Variants in KIAA1671 observed in about 807,000 individuals in gnomAD.
The protein encoded by KIAA1671 is uncharacterized protein KIAA1671.
In KIAA1671, 52 loss-of-function variants were observed where a neutral mutation model predicts 131.2. The observed-to-expected ratio is 0.40, with a 90% CI of 0.32 to 0.50. The LOEUF is 0.50. Among genes scored for constraint, KIAA1671 ranks in the 20% least tolerant of loss-of-function variants. The probability of loss-of-function intolerance (pLI) is 0.73; values close to 1 mark genes in which losing one functional copy is unlikely to be tolerated. For missense variants in KIAA1671, 2,360 were observed against 2,364.2 expected (o/e 1.00, Z 0.04); for synonymous variants, 1,003 against 961.6 (o/e 1.04, Z -0.80).
chr22:25,048,178 A>G (rs796542709), intron 5 of KIAA1671, among the ~76,000 whole-genome samples: 22 of 152,346 alleles, frequency 1.4e-4, no homozygotes, highest in African/African-American at 5.1e-4. Context: ...ATCAAGACGC[A>G]TGTTTTGAGC....
intron 1 of KIAA1671, among the ~76,000 whole-genome samples, chr22:24,990,562 C>T (rs909025470): frequency 7.2e-5 from 11 of 152,248 alleles, no homozygotes; most frequent in African/African-American, 2.4e-4. Flanking sequence ...CCAGCAGCAG[C>T]CCTGGGTGGT....
chr22:25,016,307 C>T (rs1190609045), intron 1 of KIAA1671, among the ~76,000 whole-genome samples: 1 of 152,008 alleles, frequency 6.6e-6, no homozygotes, highest in Non-Finnish European at 1.5e-5. Flanking sequence ...GCGTGAGCCA[C>T]CGTGCCCAGC....
intron 6 of KIAA1671, among the ~76,000 whole-genome samples, chr22:25,080,565 T>G (rs1358899824): frequency 2.0e-5 from 3 of 152,186 alleles, no homozygotes; most frequent in African/African-American, 7.2e-5. Context: ...TTTATTTTTT[T>G]AGAGACAGGG....
intron 1 of KIAA1671, among the ~76,000 whole-genome samples, chr22:24,966,461 G>A (rs1922312214): frequency 6.6e-6 from 1 of 152,214 alleles, no homozygotes; most frequent in African/African-American, 2.4e-5. Context: ...GGCAGGGCTG[G>A]GGAGTGGCTT....
At chr22:25,171,955 T>C (rs763041629) in intron 7 of KIAA1671, among the ~76,000 whole-genome samples, 3 of 152,096 alleles carry the variant, frequency 2.0e-5, no homozygotes, top group Non-Finnish European at 4.4e-5. Flanking sequence ...ACCACAGTGA[T>C]AAAAATGATA....
chr22:24,968,494 C>G (rs1331768255), intron 1 of KIAA1671, among the ~76,000 whole-genome samples: 3 of 152,186 alleles, frequency 2.0e-5, no homozygotes, highest in African/African-American at 7.2e-5. Flanking sequence ...TTCTCCCCAG[C>G]CATGGGAATG....
intron 6 of KIAA1671, among the ~76,000 whole-genome samples, chr22:25,087,151 A>AC (rs1193601489): frequency 7.2e-5 from 6 of 82,980 alleles, no homozygotes; most frequent in Admixed American, 5.8e-4. Context: ...TGCCCCTCCC[A>AC]CCCCCCACCC....
chr22:25,149,592 C>A (rs1932969241), intron 6 of KIAA1671, among the ~76,000 whole-genome samples: 1 of 152,018 alleles, frequency 6.6e-6, no homozygotes, highest in African/African-American at 2.4e-5. Flanking sequence ...AAGATTGGAC[C>A]CTGGAAGACC....
intron 6 of KIAA1671, among the ~76,000 whole-genome samples, chr22:25,163,343 T>C (rs1404907203): frequency 2.1e-5 from 3 of 142,398 alleles, no homozygotes. Flanking sequence ...TTTTTTTTTT[T>C]TTTTTTTTTT....
At chr22:25,090,953 G>T (rs555937754) in intron 6 of KIAA1671, among the ~76,000 whole-genome samples, 8 of 152,294 alleles carry the variant, frequency 5.3e-5, no homozygotes, top group Non-Finnish European at 1.2e-4. Context: ...ATCTGTCTTG[G>T]TTCACTGCTG....
chr22:25,179,355 G>A, intron 9 of KIAA1671: 8 of 1,598,384 alleles, frequency 5.0e-6, no homozygotes, highest in Non-Finnish European at 6.8e-6. Context: ...GCGCACCTCG[G>A]CCGCGTGCAG....
At chr22:24,967,794 C>T (rs537941886) in intron 1 of KIAA1671, among the ~76,000 whole-genome samples, 27 of 152,318 alleles carry the variant, frequency 1.8e-4, no homozygotes, top group African/African-American at 3.1e-4. Context: ...AGATCGAGAC[C>T]ATCCTGGCTA....
intron 11 of KIAA1671, among the ~76,000 whole-genome samples, chr22:25,189,984 C>G (rs929731847): frequency 6.6e-6 from 1 of 152,142 alleles, no homozygotes; most frequent in Non-Finnish European, 1.5e-5. Flanking sequence ...GGTCCCCAAC[C>G]TTTTTGGCAC....
intron 6 of KIAA1671, among the ~76,000 whole-genome samples, chr22:25,122,779 C>A (rs1932003171): frequency 6.6e-6 from 1 of 152,174 alleles, no homozygotes; most frequent in Admixed American, 6.5e-5. Flanking sequence ...TCGAGACCAT[C>A]CTGGCTAACA....
intron 1 of KIAA1671, among the ~76,000 whole-genome samples, chr22:25,003,118 A>G (rs1408571176): frequency 6.6e-6 from 1 of 152,098 alleles, no homozygotes; most frequent in Admixed American, 6.5e-5. Flanking sequence ...TATTACAAAC[A>G]CATTCATTTA....
intron 10 of KIAA1671, among the ~76,000 whole-genome samples, chr22:25,183,973 G>T (rs1444297112): frequency 6.6e-6 from 1 of 152,226 alleles, no homozygotes; most frequent in East Asian, 1.9e-4. Flanking sequence ...GGGCTCCCAT[G>T]TGGATGCACC....
rs554456045 is a variant in KIAA1671 at position 25,075,053 on chromosome 22, A to G, written c.4530+25689A>G. On this transcript the variant is annotated intron_variant, in intron 6 of 12. Transcript: ENST00000358431. ...GTTCCCCTAATGTTAGCATGTTACT[A>G]TAACCATGGTTCAGTTATCAAAAGA... Among the ~76,000 whole-genome samples, 58 of 152,340 alleles carry G rather than the reference A, an allele frequency of 3.8e-4. 1 individual carries two copies. In the South Asian group the frequency reaches 6.6e-3, roughly 17 times the overall value.
chr22:24,995,721 A>C (rs980910905), intron 1 of KIAA1671, among the ~76,000 whole-genome samples: 10 of 152,200 alleles, frequency 6.6e-5, no homozygotes, highest in African/African-American at 2.4e-4. Context: ...GTAGGTGTTG[A>C]CCATTGGCAT....
At chr22:24,970,320 C>T (rs1394767766) in intron 1 of KIAA1671, among the ~76,000 whole-genome samples, 1 of 152,138 alleles carries the variant, frequency 6.6e-6, no homozygotes, top group African/African-American at 2.4e-5. Context: ...TGCAGGATCC[C>T]AGAAGGCCAG....
Sources: allele counts gnomAD v4.1 joint callset (sites outside exome capture counted in the v4.1 genomes callset), GRCh38; gene constraint gnomAD v4.1.1; transcripts MANE v1.5; gene names NCBI Gene and HGNC (gene_info 2026-07-23, HGNC 2026-07-21).